The following PRR35 variants were observed in gnomAD, a reference collection of about 807,000 sequenced individuals.
The protein encoded by PRR35 is proline-rich protein 35.
In PRR35, 14 loss-of-function variants were observed where a neutral mutation model predicts 18.6. The observed-to-expected ratio is 0.75, with a 90% CI of 0.50 to 1.18. The LOEUF (loss-of-function observed/expected upper bound fraction) is 1.18, where lower values mean the gene tolerates loss of function less well. Among genes scored for constraint, PRR35 ranks in the 50% most tolerant of loss-of-function variants. The pLI is 0.00. For missense variants in PRR35, 832 were observed against 792.2 expected, an observed-to-expected ratio of 1.05 and a Z score of -0.60; for synonymous variants, 425 against 378.2, an observed-to-expected ratio of 1.12 and a Z score of -1.43.
rs747074328 is a variant in PRR35, at chr16:563,679, G to T, written c.385G>T (p.Gly129Cys). 2.6e-6 allele frequency: 4 copies of T among 1,567,360 alleles called. No homozygotes were observed. The highest frequency in any genetic ancestry group is 2.3e-5 in the South Asian group (2 of 86,258). ...CATCCACTCCCTGCACTGTGGCGGA[G>T]GCCCCAAGTCCAGGGCCAAGGGGTC... is the stretch of plus-strand genomic sequence containing the variant. ...ADIHSLHCGG[G>C]PKSRAKGSPG... The change falls in exon 2 of 3, where the codon GGC becomes TGC. Residue 129 changes from glycine (G) to cysteine (C), a missense_variant. Transcript: ENST00000409413.
rs1004249760 is a variant in PRR35 at position 563,922 on chromosome 16, G to C, written c.628G>C (p.Gly210Arg). Residue 210 changes from glycine (G) to arginine (R), a missense_variant, in exon 2 of 3, where the codon GGC becomes CGC. By Grantham distance (125) the Gly-to-Arg change is moderately radical (BLOSUM62 -2). Around this residue, in one of 3 missense-constraint regions of PRR35, gnomAD observed 768 missense variants for 704.1 expected, o/e 1.09. Transcript: ENST00000409413. ...EAHSLHLSLL[G>R]VNYPLSPGLF... Reference sequence around the variant, plus strand: ...CCACAGCCTCCACCTGTCTCTGCTGGGCGTCAACTACCCGCTCAGCCCCGG... The same window carrying C: ...CCACAGCCTCCACCTGTCTCTGCTGCGCGTCAACTACCCGCTCAGCCCCGG... The C allele has an allele frequency of 6.3e-7, 1 of 1,592,036 alleles. No individual in the cohort carries two copies. The highest frequency in any genetic ancestry group is 1.3e-5 in the African/African-American group (1 of 74,260).
At position 565,300 on chromosome 16, in the gene PRR35, A is replaced by G; in HGVS notation, c.1709A>G (p.Glu570Gly). Reference sequence around the variant, plus strand: ...GGCCTGCAGAGCCCCCAGGGCGCCGAGGTCTGACCTGCAGCGCCTGAGGTC... The same window carrying G: ...GGCCTGCAGAGCCCCCAGGGCGCCGGGGTCTGACCTGCAGCGCCTGAGGTC... ...VCGLQSPQGA[E>G]V Residue 570 changes from glutamate (E) to glycine (G), a missense_variant, in exon 3 of 3, where the codon GAG becomes GGG. Glu to Gly is a moderately conservative substitution (Grantham distance 98, BLOSUM62 -2). This residue lies in a region of PRR35 where 768 missense variants were observed against 704.1 expected (regional missense o/e 1.09). Coordinates refer to ENST00000409413, the MANE Select transcript of PRR35 (RefSeq NM_145270.3). 6.6e-7 allele frequency: 1 copy of G among 1,503,990 alleles called. No individual in the cohort carries two copies. The highest frequency in any genetic ancestry group is 1.3e-5 in the South Asian group (1 of 74,752). The allele number at this position is 1,503,990 out of a possible 1,614,324, so 93.2% of individuals were successfully genotyped here. A position where few individuals can be genotyped will look rare whatever the true frequency, so the allele number is the denominator to read the frequency against.
chr16:563,149 G>T (rs2035468794), intron 1 of PRR35, 107 bp from the exon 2 acceptor site: 2 of 1,146,420 alleles, frequency 1.7e-6, no homozygotes, highest in Admixed American at 3.1e-5. Context: ...CGGCGGGGTG[G>T]GGGGAGCACC....
intron 2 of PRR35, 59 bp from the exon 3 acceptor site, chr16:564,615 G>A: frequency 6.9e-7 from 1 of 1,457,310 alleles, no homozygotes; most frequent in South Asian, 1.4e-5. Flanking sequence ...GGGGAGAGGG[G>A]CAGGGGCCGG....
intron 2 of PRR35, 80 bp from the exon 3 acceptor site, chr16:564,594 A>T: frequency 7.0e-7 from 1 of 1,431,484 alleles, no homozygotes; most frequent in Non-Finnish European, 9.2e-7. Flanking sequence ...GCCACAGGGC[A>T]GAGGCCGTGA....
intron 1 of PRR35, among the ~76,000 whole-genome samples, chr16:562,699 G>A (rs1567168821): frequency 6.6e-6 from 1 of 152,250 alleles, no homozygotes; most frequent in African/African-American, 2.4e-5. Flanking sequence ...CAGGCAGATT[G>A]GCAGGGGCCA....
At position 565,091 on chromosome 16, in the gene PRR35, AC is replaced by A; in HGVS notation, c.1503del (p.Gly502AlafsTer139). The A allele has an allele frequency of 3.1e-6, 5 of 1,594,140 alleles. No homozygotes were observed. Among genetic ancestry groups the A allele is most frequent in the Non-Finnish European group, 4.3e-6 (5 of 1,169,686 alleles). The part of the protein sequence containing the change: ...PVLTGGTPEP[P>X]GMLGPAAPQP... ...TGTTGACCGGGGGCACCCCCGAGCC[AC>A]CCGGCATGCTGGGCCCTGCAGCGCC... On this transcript the variant is annotated frameshift_variant, in exon 3 of 3. Coordinates refer to ENST00000409413, the MANE Select transcript of PRR35 (RefSeq NM_145270.3). LOFTEE classifies it low-confidence loss of function (END_TRUNC).
intron 1 of PRR35, among the ~76,000 whole-genome samples, chr16:561,582 G>A (rs573355050): frequency 1.3e-4 from 20 of 152,348 alleles, no homozygotes; most frequent in African/African-American, 4.6e-4. Flanking sequence ...CCCTGTCTCA[G>A]CCACAGACCA....
In PRR35 at chr16:563,766, C is replaced by T. The variant is rs1391399976; in HGVS notation, c.472C>T (p.Leu158=). The T allele has an allele frequency of 6.7e-7, 1 of 1,501,674 alleles. No homozygotes were observed. The highest frequency in any genetic ancestry group is 2.2e-5 in the Admixed American group (1 of 45,598). The allele number at this position is 1,501,674 out of a possible 1,614,324, so 93.0% of individuals were successfully genotyped here. ...GAAGGGTCCCGGCCCCAGTGGGCTC[C>T]TGCCTGAGTCGTGGAAGCCGGGGAT... ...TRKGPGPSGL[L]PESWKPGMGG... Residue 158 remains leucine (L), a synonymous_variant, in exon 2 of 3, where the codon CTG becomes TTG. Coordinates refer to ENST00000409413, the MANE Select transcript of PRR35 (RefSeq NM_145270.3).
chr16:561,685 TCC>T, intron 1 of PRR35: 1 of 967,464 alleles, frequency 1.0e-6, no homozygotes, highest in Non-Finnish European at 1.2e-6. Flanking sequence ...CTGTTGGTCG[TCC>T]CCCCAACGGC....
chr16:560,935 G>A (rs1168925838), intron 1 of PRR35, among the ~76,000 whole-genome samples: 1 of 20,208 alleles, frequency 4.9e-5, no homozygotes, highest in African/African-American at 2.1e-4. Flanking sequence ...CTGCGTTCCC[G>A]GGGGGGGGGG....
chr16:562,235 G>T (rs1460539423), intron 1 of PRR35, among the ~76,000 whole-genome samples: 1 of 152,218 alleles, frequency 6.6e-6, no homozygotes, highest in South Asian at 2.1e-4. Flanking sequence ...AGGCTCGGCC[G>T]CTGACCTGCC....
chr16:563,378 G>A lies in PRR35; in HGVS notation c.84G>A (p.Pro28=), dbSNP rs371845058. The change falls in exon 2 of 3, where the codon CCG becomes CCA. Residue 28 remains proline (P), a synonymous_variant. Transcript: ENST00000409413. ...AGCCCAAGAAGCCACACTACATCCC[G>A]CGGCCCTGGGGCAAACCCTACAACT... ...SRKPKKPHYI[P]RPWGKPYNYK... is the part of the protein sequence containing the mutation. 33 of 1,612,214 alleles carry A rather than the reference G, an allele frequency of 2.0e-5. No individual in the cohort carries two copies. Among genetic ancestry groups the A allele is most frequent in the African/African-American group, 9.3e-5 (7 of 74,872 alleles).
At chr16:562,900 C>A (rs1261471576) in intron 1 of PRR35, among the ~76,000 whole-genome samples, 1 of 152,204 alleles carries the variant, frequency 6.6e-6, no homozygotes, top group Non-Finnish European at 1.5e-5. Context: ...AAATAAAGGA[C>A]GCCTAGTTAA....
chr16:564,237 G>A lies in PRR35; in HGVS notation c.943G>A (p.Val315Ile). 6.4e-6 allele frequency: 10 copies of A among 1,573,474 alleles called. No individual in the cohort carries two copies. Among genetic ancestry groups the A allele is most frequent in the Non-Finnish European group, 7.7e-6 (9 of 1,165,074 alleles). Residue 315 changes from valine (V) to isoleucine (I), a missense_variant, in exon 2 of 3, where the codon GTC becomes ATC. Val to Ile is a conservative substitution (Grantham distance 29). This residue lies in a region of PRR35 where 768 missense variants were observed against 704.1 expected (regional missense o/e 1.09). Transcript: ENST00000409413. ...TCCAGGGCTGGGGCCCTGGCCCCGAGTCACCCCCAGGGACCCAGGGCAGGA... is the reference window on the plus strand; with the variant it reads ...TCCAGGGCTGGGGCCCTGGCCCCGAATCACCCCCAGGGACCCAGGGCAGGA... Reference protein sequence around the residue: ...PVPGLGPWPRVTPRDPGQEGE... With the variant: ...PVPGLGPWPRITPRDPGQEGE...
At chr16:564,629 C>A in intron 2 of PRR35, 45 bp from the exon 3 acceptor site, 1 of 1,473,442 alleles carries the variant, frequency 6.8e-7, no homozygotes, top group Non-Finnish European at 9.0e-7. Flanking sequence ...GGGCCGGGGG[C>A]GCTGTGGGGG....
Position 564,876 on chromosome 16 carries a change from G to A in PRR35, c.1285G>A (p.Gly429Arg), listed in dbSNP as rs1224513534. The change falls in exon 3 of 3, where the codon GGG (glycine) becomes AGG (arginine). Residue 429 changes from glycine (G) to arginine (R), a missense_variant. Physicochemically the swap from Gly to Arg is moderately radical, Grantham distance 125. Around this residue, in one of 3 missense-constraint regions of PRR35, gnomAD observed 768 missense variants for 704.1 expected, o/e 1.09. Transcript: ENST00000409413. ...GCGCCTGGGACAGTTGGGGCCCGCG[G>A]GGGGCCTGGCCCCGAGACCCCTGCG... Reference protein sequence around the residue: ...EQRLGQLGPAGGLAPRPLREQ... With the variant: ...EQRLGQLGPARGLAPRPLREQ... 6 of 1,573,302 alleles carry A rather than the reference G, an allele frequency of 3.8e-6. No individual in the cohort carries two copies. Among genetic ancestry groups the A allele is most frequent in the Admixed American group, 1.8e-5 (1 of 55,690 alleles).
At chr16:563,204 G>A (rs1018286489) in intron 1 of PRR35, 52 bp from the exon 2 acceptor site, 2 of 1,431,050 alleles carry the variant, frequency 1.4e-6, no homozygotes, top group Non-Finnish European at 9.2e-7. Flanking sequence ...ATGGAGAGGA[G>A]TGGGGAGTTA....
At chr16:562,889 A>G (rs2035462768) in intron 1 of PRR35, among the ~76,000 whole-genome samples, 1 of 152,220 alleles carries the variant, frequency 6.6e-6, no homozygotes, top group Admixed American at 6.5e-5. Flanking sequence ...GTCAACCGAT[A>G]AAATAAAGGA....
Sources: gnomAD v4.1 joint callset for allele counts (sites outside exome capture counted in the v4.1 genomes callset) on GRCh38, gnomAD v4.1.1 for gene constraint, gnomAD v4.1.1 regional missense constraint, MANE v1.5 for transcripts, NCBI Gene and HGNC (gene_info 2026-07-23, HGNC 2026-07-21) for gene names.